The following CHN2 variants were observed in gnomAD, a reference collection of about 807,000 sequenced individuals.
CHN2 encodes beta-chimaerin.
A neutral mutation model predicts 56.3 loss-of-function variants in CHN2; 35 were observed. The observed-to-expected ratio is 0.62, with a 90% CI of 0.47 to 0.82. The LOEUF (loss-of-function observed/expected upper bound fraction) is 0.82, where lower values mean the gene tolerates loss of function less well. Among genes scored for constraint, CHN2 ranks in the 40% least tolerant of loss-of-function variants. The pLI is 0.00. For synonymous variants in CHN2, 210 were observed against 212.8 expected (o/e 0.99, Z 0.12); for missense variants, 491 against 580.5 (o/e 0.85, Z 1.58).
intron 1 of CHN2, among the ~76,000 whole-genome samples, chr7:29,312,582 T>A (rs1193525389): frequency 2.0e-5 from 3 of 152,150 alleles, no homozygotes; most frequent in Non-Finnish European, 2.9e-5. Flanking sequence ...CAGCAGAGAT[T>A]CAAAAGGATT....
At chr7:29,369,276 A>G (rs1320210484) in intron 3 of CHN2, among the ~76,000 whole-genome samples, 1 of 152,168 alleles carries the variant, frequency 6.6e-6, no homozygotes, top group East Asian at 1.9e-4. Context: ...AAATGTCTCA[A>G]TGAAAAAAAA....
intron 1 of CHN2, among the ~76,000 whole-genome samples, chr7:29,353,507 T>G (rs2128924657): frequency 6.6e-6 from 1 of 152,158 alleles, no homozygotes; most frequent in South Asian, 2.1e-4. Flanking sequence ...TATAAAAAAT[T>G]GGCTGGGTGT....
chr7:29,477,181 G>A (rs1350336098), intron 6 of CHN2, among the ~76,000 whole-genome samples: 1 of 152,164 alleles, frequency 6.6e-6, no homozygotes. Context: ...ACTGCTCCCA[G>A]TAATGCTCGC....
intron 1 of CHN2, among the ~76,000 whole-genome samples, chr7:29,255,992 T>C (rs1789046833): frequency 6.6e-6 from 1 of 152,248 alleles, no homozygotes; most frequent in African/African-American, 2.4e-5. Context: ...CAATTTACCT[T>C]TCCTTTGGTA....
intron 7 of CHN2, among the ~76,000 whole-genome samples, chr7:29,493,101 A>AT (rs1217438855): frequency 6.6e-6 from 1 of 152,136 alleles, no homozygotes; most frequent in Non-Finnish European, 1.5e-5. Context: ...TAAGTGTACC[A>AT]TTTTTTATCC....
At chr7:29,147,068 T>C (rs1792828835) in intron 2 of CHN2, 4 of 1,442,012 alleles carry the variant, frequency 2.8e-6, no homozygotes, top group Non-Finnish European at 9.3e-7. Context: ...CATTTTGCAA[T>C]TGGGGGACAC....
Position 29,513,434 on chromosome 7 carries a change from G to A in CHN2, c.*699G>A, listed in dbSNP as rs866570934. 3.3e-5 allele frequency: 5 copies of A among 152,442 alleles called. No individual in the cohort carries two copies. Among genetic ancestry groups the A allele is most frequent in the African/African-American group, 1.2e-4 (5 of 41,456 alleles). 9.4% of individuals were successfully genotyped at this position (152,442 alleles called of 1,614,324 possible). A position where few individuals can be genotyped will look rare whatever the true frequency, so the allele number is the denominator to read the frequency against. ...ATGTATTTATAGCAATTGTAGGATG[G>A]TCTGAAATGTCCACACACTTTCTAT... On this transcript the variant is annotated 3_prime_UTR_variant, in exon 13 of 13. Coordinates refer to ENST00000222792, the MANE Select transcript of CHN2 (RefSeq NM_004067.4).
At chr7:29,457,429 C>G in intron 6 of CHN2, among the ~76,000 whole-genome samples, 1 of 152,192 alleles carries the variant, frequency 6.6e-6, no homozygotes, top group East Asian at 1.9e-4. Context: ...CTGCAAGCCC[C>G]ATTTGATGAA....
At chr7:29,398,841 A>G (rs528606823) in intron 5 of CHN2, among the ~76,000 whole-genome samples, 4 of 149,534 alleles carry the variant, frequency 2.7e-5, no homozygotes, top group East Asian at 4.0e-4. Context: ...GGCTCAAGCC[A>G]TCCGCCTGTC....
chr7:29,271,176 C>T (rs1195016716), intron 1 of CHN2, among the ~76,000 whole-genome samples: 1 of 152,076 alleles, frequency 6.6e-6, no homozygotes, highest in Non-Finnish European at 1.5e-5. Flanking sequence ...TTTTAGTCAG[C>T]GTCCTGGTCT....
intron 1 of CHN2, among the ~76,000 whole-genome samples, chr7:29,346,370 A>G (rs564045521): frequency 2.6e-5 from 4 of 152,130 alleles, no homozygotes; most frequent in Admixed American, 2.6e-4. Flanking sequence ...TTCTGGGCCC[A>G]TTAAGCTAAT....
chr7:29,495,811 C>G, intron 7 of CHN2, 141 bp from the exon 8 acceptor site: 1 of 675,608 alleles, frequency 1.5e-6, no homozygotes. Context: ...TCTGTTTTCT[C>G]AGGATCTGTT....
At chr7:29,368,060 G>A in intron 3 of CHN2, 73 bp downstream of exon 3, 1 of 1,273,006 alleles carries the variant, frequency 7.9e-7, no homozygotes, top group Non-Finnish European at 1.1e-6. Context: ...AGAGTGGAGG[G>A]ATTTCAGGTT....
chr7:29,169,386 C>G (rs967939916), intron 2 of CHN2, among the ~76,000 whole-genome samples: 1 of 151,912 alleles, frequency 6.6e-6, no homozygotes, highest in African/African-American at 2.4e-5. Context: ...ATTTTCATAC[C>G]CCTCTAAACA....
At chr7:29,287,135 T>C (rs1792211439) in intron 1 of CHN2, among the ~76,000 whole-genome samples, 1 of 152,170 alleles carries the variant, frequency 6.6e-6, no homozygotes, top group Admixed American at 6.5e-5. Context: ...AATCAGAACC[T>C]TATATTCTCC....
chr7:29,224,797 A>G (rs1786066977), intron 1 of CHN2, among the ~76,000 whole-genome samples: 1 of 152,206 alleles, frequency 6.6e-6, no homozygotes, highest in African/African-American at 2.4e-5. Context: ...GTTAAATCAC[A>G]AGATAATCTT....
intron 1 of CHN2, among the ~76,000 whole-genome samples, chr7:29,328,746 T>G (rs568029369): frequency 6.6e-6 from 1 of 152,044 alleles, no homozygotes; most frequent in African/African-American, 2.4e-5. Context: ...AAATCGAGTC[T>G]CAGGTAAACA....
chr7:29,312,147 T>G (rs1794646139), intron 1 of CHN2, among the ~76,000 whole-genome samples: 1 of 152,218 alleles, frequency 6.6e-6, no homozygotes, highest in South Asian at 2.1e-4. Context: ...GACTGCCTGT[T>G]GCTTCTCAAT....
At chr7:29,385,865 A>AC (rs1800874580) in intron 3 of CHN2, among the ~76,000 whole-genome samples, 1 of 152,310 alleles carries the variant, frequency 6.6e-6, no homozygotes, top group East Asian at 1.9e-4. Context: ...TGTCTCGAGC[A>AC]CCCCTAAGCT....
Sources: gnomAD v4.1 joint callset for allele counts (sites outside exome capture counted in the v4.1 genomes callset) on GRCh38, gnomAD v4.1.1 for gene constraint, MANE v1.5 for transcripts, NCBI Gene and HGNC (gene_info 2026-07-23, HGNC 2026-07-21) for gene names.